Variants in AKAP9 observed in about 807,000 individuals in gnomAD.
AKAP9 encodes the protein A-kinase anchor protein 9.
A neutral mutation model predicts 488.5 loss-of-function variants in AKAP9; 311 were observed. The observed-to-expected ratio is 0.64, with a 90% CI of 0.58 to 0.70. The LOEUF is 0.70. Among genes scored for constraint, AKAP9 ranks in the 30% least tolerant of loss-of-function variants. The pLI, the probability that AKAP9 is intolerant of heterozygous loss-of-function variation, is 0.00. For missense variants in AKAP9, 4,215 were observed against 4,374.5 expected, an observed-to-expected ratio of 0.96 and a Z score of 1.03; for synonymous variants, 1,462 against 1,483.5, an observed-to-expected ratio of 0.99 and a Z score of 0.33.
chr7:92,066,539 C>T lies in AKAP9; in HGVS notation c.6323C>T (p.Thr2108Ile). 2 of 1,613,434 alleles carry T rather than the reference C, an allele frequency of 1.2e-6. No individual in the cohort carries two copies. The highest frequency in any genetic ancestry group is 1.7e-6 in the Non-Finnish European group (2 of 1,179,564). ...PRFQPISEHQ[T>I]REVEQLANHL... Reference sequence around the variant, plus strand: ...TTCCAGCCTATCAGTGAACATCAAACTAGAGAGGTAAGAACTTCACTGATA... The same window carrying T: ...TTCCAGCCTATCAGTGAACATCAAATTAGAGAGGTAAGAACTTCACTGATA... Residue 2108 changes from threonine to isoleucine, a missense_variant, in exon 26 of 50, where the codon ACT (threonine) becomes ATT (isoleucine). Coordinates refer to ENST00000356239, the MANE Select transcript of AKAP9 (RefSeq NM_005751.5).
chr7:92,054,388 G>C (rs1468588793), intron 22 of AKAP9, among the ~76,000 whole-genome samples: 1 of 151,586 alleles, frequency 6.6e-6, no homozygotes, highest in Non-Finnish European at 1.5e-5. Flanking sequence ...ATGTAAAACA[G>C]CTGGGAGGCA....
At chr7:92,057,784 T>C (rs2130813903) in intron 22 of AKAP9, 1 of 223,558 alleles carries the variant, frequency 4.5e-6, no homozygotes, top group Admixed American at 5.7e-5. Context: ...TAAAAGCAGT[T>C]TTATTGCTCG....
At chr7:92,022,105 A>G in intron 12 of AKAP9, 133 bp from the exon 13 acceptor site, 1 of 714,234 alleles carries the variant, frequency 1.4e-6, no homozygotes, top group Admixed American at 2.1e-5. Context: ...AGAAGGGAAA[A>G]TGCTTGTATT....
chr7:92,071,102 A>T (rs1811659437), intron 28 of AKAP9, 93 bp downstream of exon 28: 1 of 1,224,006 alleles, frequency 8.2e-7, no homozygotes, highest in African/African-American at 1.5e-5. Context: ...GTAGTTTATG[A>T]TCTAAAACCA....
chr7:92,071,388 GT>G (rs199723894), intron 28 of AKAP9, among the ~76,000 whole-genome samples: 22,980 of 142,444 alleles, frequency 0.16, 2,180 homozygotes, highest in East Asian at 0.4. Flanking sequence ...TTGCTGTGTG[GT>G]TTTTTTTTTT....
At chr7:92,078,272 A>T (rs1812954467) in intron 30 of AKAP9, among the ~76,000 whole-genome samples, 1 of 151,814 alleles carries the variant, frequency 6.6e-6, no homozygotes, top group South Asian at 2.1e-4. Flanking sequence ...TGCTGGTATT[A>T]CTGGCATGAG....
chr7:92,049,849 A>G (rs1267891951), intron 21 of AKAP9, among the ~76,000 whole-genome samples: 1 of 152,132 alleles, frequency 6.6e-6, no homozygotes, highest in Non-Finnish European at 1.5e-5. Flanking sequence ...TGGCTTAAAA[A>G]AGCCAGAGGC....
At chr7:92,065,757 T>C (rs1370552240) in intron 25 of AKAP9, among the ~76,000 whole-genome samples, 3 of 152,218 alleles carry the variant, frequency 2.0e-5, no homozygotes, top group African/African-American at 7.2e-5. Flanking sequence ...GAGCTTATTC[T>C]AGTTTTTTAT....
rs907219441 is a variant in AKAP9, at chr7:91,949,684, G to A, written c.48+8537G>A. Among the ~76,000 whole-genome samples, 15 of 152,214 alleles carry A rather than the reference G, an allele frequency of 9.9e-5. 1 individual carries two copies. The East Asian group carries it at 2.5e-3, about 25-fold the overall frequency. ...TCTAGGTACATTGCATAAAGCTTTG[G>A]TTGATTTTTGCATGGGTTTAACAGT... On this transcript the variant is annotated intron_variant, in intron 1 of 49. Coordinates refer to ENST00000356239, the MANE Select transcript of AKAP9 (RefSeq NM_005751.5).
chr7:91,983,695 A>G (rs916810486), intron 3 of AKAP9, among the ~76,000 whole-genome samples: 5 of 152,186 alleles, frequency 3.3e-5, no homozygotes, highest in Non-Finnish European at 7.3e-5. Context: ...TATTTTTGTT[A>G]GAGATAGGGT....
intron 24 of AKAP9, 47 bp from the exon 25 acceptor site, chr7:92,065,179 CATAAG>C: frequency 8.0e-7 from 1 of 1,243,512 alleles, no homozygotes; most frequent in East Asian, 2.5e-5. Flanking sequence ...ATTTCATTAT[CATAAG>C]ATCATTAATT....
intron 1 of AKAP9, among the ~76,000 whole-genome samples, chr7:91,972,201 C>T (rs1795191999): frequency 6.6e-6 from 1 of 152,052 alleles, no homozygotes; most frequent in Admixed American, 6.5e-5. Flanking sequence ...TGCTGCTGAA[C>T]AGCCAGTCTG....
intron 2 of AKAP9, among the ~76,000 whole-genome samples, chr7:91,978,998 G>A (rs1277370265): frequency 2.9e-5 from 4 of 139,360 alleles, no homozygotes; most frequent in South Asian, 4.5e-4. Flanking sequence ...GGCAGGTCTC[G>A]AACTCCTGAC....
chr7:92,070,996 G>GA lies in AKAP9; in HGVS notation c.6602dup (p.Glu2202GlyfsTer15). ...CAGGCTGAACGAGATGCCATAGACA[G>GA]AAAGGAAAAAGAGGTAAGGAGTTTA... On this transcript the variant is annotated frameshift_variant, in exon 28 of 50. Transcript: ENST00000356239. LOFTEE classifies it high-confidence loss of function. 1.2e-6 allele frequency: 2 copies of GA among 1,612,850 alleles called. No individual in the cohort carries two copies. The highest frequency in any genetic ancestry group is 1.7e-6 in the Non-Finnish European group (2 of 1,178,944).
In AKAP9 at chr7:92,102,873, G is replaced by T. The variant is rs943068445; in HGVS notation, c.11330+47G>T. 5 of 1,486,790 alleles carry T rather than the reference G, an allele frequency of 3.4e-6. No homozygotes were observed. In the African/African-American group the frequency reaches 6.9e-5, roughly 21 times the overall value. 92.1% of individuals were successfully genotyped at this position (1,486,790 alleles called of 1,614,324 possible). A position where few individuals can be genotyped will look rare whatever the true frequency, so the allele number is the denominator to read the frequency against. ...CATTTTACTAGTAGACTCTCTAAAAGGATTAGTTATTTTTAATTCTCCCTC... is the reference window on the plus strand; with the variant it reads ...CATTTTACTAGTAGACTCTCTAAAATGATTAGTTATTTTTAATTCTCCCTC... On this transcript the variant is annotated intron_variant, in intron 46 of 49. Coordinates refer to ENST00000356239, the MANE Select transcript of AKAP9 (RefSeq NM_005751.5).
In AKAP9 at chr7:92,100,768, G is replaced by C. The variant is rs771772580; in HGVS notation, c.10897-88G>C. On this transcript the variant is annotated intron_variant, in intron 44 of 49. Transcript: ENST00000356239. Reference sequence around the variant, plus strand: ...TGTCTGGGTGGGGTTAGAAAGTTGAGACTGCATCATCATGCAGATATCTTT... The same window carrying C: ...TGTCTGGGTGGGGTTAGAAAGTTGACACTGCATCATCATGCAGATATCTTT... 2.6e-5 allele frequency: 38 copies of C among 1,475,056 alleles called. 1 individual carries two copies. The Middle Eastern group carries it at 1.4e-3, about 54-fold the overall frequency. The allele number at this position is 1,475,056 out of a possible 1,614,324, so 91.4% of individuals were successfully genotyped here. A position where few individuals can be genotyped will look rare whatever the true frequency, so the allele number is the denominator to read the frequency against.
chr7:92,070,831 C>T (rs1389055117), intron 27 of AKAP9, 74 bp from the exon 28 acceptor site: 3 of 947,806 alleles, frequency 3.2e-6, no homozygotes, highest in African/African-American at 3.8e-5. Flanking sequence ...AAAAAGCAGA[C>T]CAAAAAACAA....
chr7:92,029,804 C>T, intron 14 of AKAP9, 91 bp from the exon 15 acceptor site: 3 of 1,029,254 alleles, frequency 2.9e-6, no homozygotes, highest in Non-Finnish European at 4.6e-6. Flanking sequence ...TCCCATGCCC[C>T]AGTACACATT....
rs1166104018 is a variant in AKAP9 at position 92,079,319 on chromosome 7, C to T, written c.7186C>T (p.Leu2396=). 1 of 1,613,906 alleles carries T rather than the reference C, an allele frequency of 6.2e-7. No individual in the cohort carries two copies. Among genetic ancestry groups the T allele is most frequent in the East Asian group, 2.2e-5 (1 of 44,870 alleles). Residue 2396 remains leucine (L), a synonymous_variant, in exon 31 of 50, where the codon CTG becomes TTG. Transcript: ENST00000356239. ...HQLDVVIAEK[L]ALEQQVETAN... ...ATTGGATGTGGTTATAGCTGAAAAG[C>T]TGGCCTTGGAACAGCAAGTAGAAAC...
Sources: allele counts gnomAD v4.1 joint callset (sites outside exome capture counted in the v4.1 genomes callset), GRCh38; gene constraint gnomAD v4.1.1; transcripts MANE v1.5; gene names NCBI Gene and HGNC (gene_info 2026-07-23, HGNC 2026-07-21).